TCHP: variants seen among roughly 807,000 people sequenced by gnomAD.
The protein encoded by TCHP is trichoplein keratin filament-binding protein.
TCHP carries 81 observed loss-of-function variants against 88.7 expected under a neutral mutation model. The observed-to-expected ratio is 0.91, with a 90% CI of 0.76 to 1.10. The LOEUF is 1.10. TCHP is among the 50% of genes least tolerant of loss of function. The pLI is 0.00. For synonymous variants in TCHP, 232 were observed against 232.5 expected (o/e 1.00, Z 0.02); for missense variants, 641 against 632.1 (o/e 1.01, Z -0.15).
chr12:109,886,417 C>T, the TCHP span, among the ~76,000 whole-genome samples: 1 of 152,224 alleles, frequency 6.6e-6, no homozygotes, highest in Admixed American at 6.5e-5. Flanking sequence ...GGATTACAGG[C>T]GTAAGCCACC....
At chr12:109,911,629 A>G (rs1870499996) in intron 9 of TCHP, among the ~76,000 whole-genome samples, 1 of 151,160 alleles carries the variant, frequency 6.6e-6, no homozygotes, top group Non-Finnish European at 1.5e-5. Context: ...AAAAAAAAAA[A>G]AAAAGAAGAA....
chr12:109,893,518 A>C, the TCHP span, among the ~76,000 whole-genome samples: 78 of 152,240 alleles, frequency 5.1e-4, no homozygotes, highest in African/African-American at 1.8e-3. Context: ...CTTTCACAGG[A>C]TACTTCTTTA....
At chr12:109,907,848 A>C (rs978200705) in intron 6 of TCHP, 149 bp downstream of exon 6, 1 of 808,566 alleles carries the variant, frequency 1.2e-6, no homozygotes, top group African/African-American at 1.7e-5. Context: ...TCTCACATGC[A>C]TCCCCATCTG....
Position 109,903,619 on chromosome 12 carries a change from C to CCTGA in TCHP, c.189-316_189-313dup, listed in dbSNP as rs1369144095. On this transcript the variant is annotated intron_variant, in intron 2 of 12. Transcript: ENST00000405876. The surrounding 1 kb of genome is among the most constrained non-coding windows in gnomAD (Gnocchi z 4.6). Reference sequence around the variant, plus strand: ...TTTGAAGTCAGACCTAGATGGAAATCCTGACCGTGTCTCTTGCTGAATGTA... The same window carrying CCTGA: ...TTTGAAGTCAGACCTAGATGGAAATCCTGACTGACCGTGTCTCTTGCTGAATGTA... 5.3e-5 allele frequency among the ~76,000 whole-genome samples: 8 copies of CCTGA among 152,212 alleles called. No homozygotes were observed. Among genetic ancestry groups the CCTGA allele is most frequent in the South Asian group, 4.1e-4 (2 of 4,832 alleles).
At chr12:109,915,145 C>T (rs990665667) in intron 11 of TCHP, 10 of 572,010 alleles carry the variant, frequency 1.7e-5, no homozygotes, top group African/African-American at 3.8e-5. Flanking sequence ...ACGAGGTACA[C>T]GCCACGCATA....
the TCHP span, among the ~76,000 whole-genome samples, chr12:109,884,541 G>A: frequency 6.6e-6 from 1 of 152,026 alleles, no homozygotes. Context: ...GAACTATCAG[G>A]CTCTTCACCT....
chr12:109,914,511 C>G lies in TCHP; in HGVS notation c.1204C>G (p.Leu402Val). 1 of 1,614,184 alleles carries G rather than the reference C, an allele frequency of 6.2e-7. No individual in the cohort carries two copies. The highest frequency in any genetic ancestry group is 2.2e-5 in the East Asian group (1 of 44,890). ...EQNRRAQEES[L>V]KHREQLIRNL... ...GAACCGACGGGCACAAGAGGAATCC[C>G]TGAAACACAGGGAGCAACTTATTCG... Residue 402 changes from leucine (L) to valine (V), a missense_variant, in exon 11 of 13, where the codon CTG becomes GTG. By Grantham distance (32) the Leu-to-Val change is conservative. Transcript: ENST00000405876.
At chr12:109,908,503 G>T in intron 6 of TCHP, 83 bp from the exon 7 acceptor site, 1 of 1,248,164 alleles carries the variant, frequency 8.0e-7, no homozygotes, top group Non-Finnish European at 1.1e-6. Context: ...TAGTGTCTGC[G>T]AAAAATGGAG....
upstream of TCHP, among the ~76,000 whole-genome samples, chr12:109,897,431 G>C (rs1237018823): frequency 6.6e-6 from 1 of 152,198 alleles, no homozygotes; most frequent in Non-Finnish European, 1.5e-5. Context: ...AGCTTATCTG[G>C]TCATTATACA....
In TCHP at chr12:109,904,937, T is replaced by C. The variant is rs999695825; in HGVS notation, c.456+144T>C. ...CCTGAAAAGAGCGCCAGGCAGAAGA[T>C]CTGGCACAGGCTGCGCTGAGCGGCT... On this transcript the variant is annotated intron_variant, in intron 4 of 12. Coordinates refer to ENST00000405876, the MANE Select transcript of TCHP (RefSeq NM_001143852.2). The C allele has an allele frequency of 1.2e-5, 8 of 682,906 alleles. No individual in the cohort carries two copies. In the East Asian group the frequency reaches 2.2e-4, roughly 19 times the overall value. 42.3% of individuals were successfully genotyped at this position (682,906 alleles called of 1,614,324 possible).
At chr12:109,915,757 C>T (rs2136084361) in intron 12 of TCHP, among the ~76,000 whole-genome samples, 1 of 152,336 alleles carries the variant, frequency 6.6e-6, no homozygotes, top group Admixed American at 6.5e-5. Context: ...GGCCTCAAAC[C>T]TTGAAGTGAT....
the TCHP span, among the ~76,000 whole-genome samples, chr12:109,883,950 C>T: frequency 6.6e-6 from 1 of 152,248 alleles, no homozygotes; most frequent in Admixed American, 6.5e-5. Flanking sequence ...AGGCTAGTAG[C>T]ATAAATGGGT....
At chr12:109,893,521 C>T in the TCHP span, among the ~76,000 whole-genome samples, 1 of 152,162 alleles carries the variant, frequency 6.6e-6, no homozygotes, top group Admixed American at 6.6e-5. Context: ...TCACAGGATA[C>T]TTCTTTATGC....
the TCHP span, among the ~76,000 whole-genome samples, chr12:109,886,254 C>A: frequency 1.3e-5 from 2 of 152,246 alleles, no homozygotes; most frequent in South Asian, 4.1e-4. Flanking sequence ...TCTTCTGCCT[C>A]AGCCTCTTGA....
At position 109,908,895 on chromosome 12, in the gene TCHP, C is replaced by T. The variant is rs143562682; in HGVS notation, c.837C>T (p.Asn279=). The part of the protein sequence containing the change: ...ELGRFLRHQY[N]AQLSRRTQQI... Reference sequence around the variant, plus strand: ...GGCGTTTCTTGAGACATCAGTATAACGCTCAACTCAGCAGACGCACACAGC... The same window carrying T: ...GGCGTTTCTTGAGACATCAGTATAATGCTCAACTCAGCAGACGCACACAGC... Residue 279 remains asparagine (N), a synonymous_variant, in exon 8 of 13, where the codon AAC becomes AAT. Coordinates refer to ENST00000405876, the MANE Select transcript of TCHP (RefSeq NM_001143852.2). 1.8e-4 allele frequency: 293 copies of T among 1,614,232 alleles called. 2 individuals carry two copies. The South Asian group carries it at 1.9e-3, about 10-fold the overall frequency.
intron 6 of TCHP, 96 bp from the exon 7 acceptor site, chr12:109,908,490 G>T: frequency 9.9e-7 from 1 of 1,008,088 alleles, no homozygotes; most frequent in Admixed American, 2.0e-5. Flanking sequence ...GCCTCTGTTG[G>T]TGTAGTGTCT....
chr12:109,897,380 G>A (rs964499398), upstream of TCHP, among the ~76,000 whole-genome samples: 2 of 152,140 alleles, frequency 1.3e-5, no homozygotes, highest in Non-Finnish European at 2.9e-5. Context: ...TTGCCCTCCG[G>A]CATGCTGGTC....
chr12:109,894,890 G>A, the TCHP span, among the ~76,000 whole-genome samples: 476 of 151,596 alleles, frequency 3.1e-3, 14 homozygotes, highest in East Asian at 0.065. Context: ...AGGTCACACT[G>A]TGACTAGGAC....
Position 109,904,149 on chromosome 12 carries a change from T to C in TCHP, c.399+2T>C. On this transcript the variant is annotated splice_donor_variant, in intron 3 of 12. Transcript: ENST00000405876. LOFTEE classifies it high-confidence loss of function. Reference sequence around the variant, plus strand: ...GCCAAAGAAGAGCAGAGGAAACTGGTAACTCCCCAGAGGGCTTCAGGAGGC... The same window carrying C: ...GCCAAAGAAGAGCAGAGGAAACTGGCAACTCCCCAGAGGGCTTCAGGAGGC... 1 of 1,563,392 alleles carries C rather than the reference T, an allele frequency of 6.4e-7. No individual in the cohort carries two copies. The highest frequency in any genetic ancestry group is 8.7e-7 in the Non-Finnish European group (1 of 1,153,630).
Sources: gnomAD v4.1 joint callset for allele counts (sites outside exome capture counted in the v4.1 genomes callset) on GRCh38, gnomAD v4.1.1 for gene constraint, Gnocchi (gnomAD v3.1) non-coding constraint, MANE v1.5 for transcripts, NCBI Gene and HGNC (gene_info 2026-07-23, HGNC 2026-07-21) for gene names.